The following DYNC2LI1 variants were observed in gnomAD, a reference collection of about 807,000 sequenced individuals.
The protein encoded by DYNC2LI1 is dynein cytoplasmic 2 light intermediate chain 1.
DYNC2LI1 carries 45 observed loss-of-function variants against 51.9 expected under a neutral mutation model. The observed-to-expected ratio is 0.87, with a 90% CI of 0.68 to 1.11. DYNC2LI1 has a LOEUF of 1.11. Among genes scored for constraint, DYNC2LI1 ranks in the 50% most tolerant of loss-of-function variants. The probability of loss-of-function intolerance (pLI) is 0.00; values close to 1 mark genes in which losing one functional copy is unlikely to be tolerated. For synonymous variants in DYNC2LI1, 130 were observed against 137.8 expected, an observed-to-expected ratio of 0.94 and a Z score of 0.40; for missense variants, 490 against 417.4, an observed-to-expected ratio of 1.17 and a Z score of -1.51.
At chr2:43,777,770 C>T (rs1673090409) in intron 2 of DYNC2LI1, among the ~76,000 whole-genome samples, 1 of 152,220 alleles carries the variant, frequency 6.6e-6, no homozygotes, top group South Asian at 2.1e-4. Flanking sequence ...TCCCAGAAGG[C>T]CCTCTCTGCA....
chr2:43,792,967 G>T, intron 5 of DYNC2LI1: 1 of 584,468 alleles, frequency 1.7e-6, no homozygotes, highest in Non-Finnish European at 2.6e-6. Context: ...GAACATTGGT[G>T]TACATTATCT....
At position 43,796,811 on chromosome 2, in the gene DYNC2LI1, G is replaced by A; in HGVS notation, c.654+16G>A. 6.2e-7 allele frequency: 1 copy of A among 1,609,774 alleles called. No individual in the cohort carries two copies. The highest frequency in any genetic ancestry group is 1.1e-5 in the South Asian group (1 of 90,888). ...ATCATTAATGGTTTGTACATTTCTTGTCCTTTGGGCTTGAATGGACAGTAC... is the reference window on the plus strand; with the variant it reads ...ATCATTAATGGTTTGTACATTTCTTATCCTTTGGGCTTGAATGGACAGTAC... On this transcript the variant is annotated intron_variant, in intron 8 of 12. Transcript: ENST00000260605.
intron 2 of DYNC2LI1, among the ~76,000 whole-genome samples, chr2:43,777,824 A>T (rs1196352914): frequency 6.6e-6 from 1 of 152,194 alleles, no homozygotes; most frequent in Non-Finnish European, 1.5e-5. Context: ...CAACATTAAG[A>T]TTACATATAT....
the DYNC2LI1 span, chr2:43,824,539 A>G: frequency 1.3e-6 from 2 of 1,591,598 alleles, no homozygotes; most frequent in Non-Finnish European, 1.7e-6. Flanking sequence ...CATCCCATCA[A>G]GATAAAATTT....
intron 8 of DYNC2LI1, among the ~76,000 whole-genome samples, chr2:43,799,341 G>A (rs571593100): frequency 6.6e-5 from 10 of 152,190 alleles, no homozygotes; most frequent in South Asian, 4.1e-4. Context: ...AAAAGAACAG[G>A]AGAAGACTGA....
the DYNC2LI1 span, among the ~76,000 whole-genome samples, chr2:43,825,292 C>A: frequency 6.1e-4 from 93 of 152,314 alleles, no homozygotes; most frequent in East Asian, 0.017. Flanking sequence ...AGCTTCATAT[C>A]TGGGATAGAC....
chr2:43,820,980 C>T, the DYNC2LI1 span, among the ~76,000 whole-genome samples: 9 of 152,030 alleles, frequency 5.9e-5, no homozygotes, highest in Non-Finnish European at 8.8e-5. Flanking sequence ...GTAAACAAAC[C>T]ACCCTATATC....
chr2:43,815,609 G>T, the DYNC2LI1 span, among the ~76,000 whole-genome samples: 13 of 152,158 alleles, frequency 8.5e-5, no homozygotes, highest in Non-Finnish European at 1.5e-4. Flanking sequence ...GTGGGACTCT[G>T]GGAAGGAATT....
At chr2:43,802,743 G>A (rs897908980) in intron 10 of DYNC2LI1, among the ~76,000 whole-genome samples, 2 of 152,260 alleles carry the variant, frequency 1.3e-5, no homozygotes, top group South Asian at 2.1e-4. Flanking sequence ...ATGAATAGAC[G>A]TGCCATAGTG....
At chr2:43,821,922 C>T in the DYNC2LI1 span, among the ~76,000 whole-genome samples, 4 of 152,042 alleles carry the variant, frequency 2.6e-5, no homozygotes, top group African/African-American at 9.7e-5. Flanking sequence ...ACCCTAGCTG[C>T]TTGCATCCTT....
chr2:43,782,282 A>G (rs1425247032), intron 2 of DYNC2LI1, among the ~76,000 whole-genome samples: 2 of 152,128 alleles, frequency 1.3e-5, no homozygotes, highest in Non-Finnish European at 2.9e-5. Flanking sequence ...TTTATATTGT[A>G]CAATTCCAGT....
chr2:43,815,834 ATCAGCAT>A, the DYNC2LI1 span, among the ~76,000 whole-genome samples: 1 of 151,842 alleles, frequency 6.6e-6, no homozygotes, highest in African/African-American at 2.4e-5. Flanking sequence ...TCACGTTGAA[ATCAGCAT>A]TCTGAGAAAA....
chr2:43,825,598 TTTG>T, the DYNC2LI1 span, among the ~76,000 whole-genome samples: 2 of 150,732 alleles, frequency 1.3e-5, no homozygotes, highest in African/African-American at 2.5e-5. Flanking sequence ...TTGTTGTTGT[TTTG>T]TTGTTATTGT....
intron 6 of DYNC2LI1, chr2:43,795,314 G>T: frequency 2.4e-6 from 1 of 416,484 alleles, no homozygotes; most frequent in Non-Finnish European, 3.2e-6. Flanking sequence ...GACCATCCTG[G>T]CCGACATGGT....
intron 1 of DYNC2LI1, 96 bp downstream of exon 1, chr2:43,774,242 G>A (rs983899772): frequency 7.8e-6 from 12 of 1,530,914 alleles, no homozygotes; most frequent in East Asian, 2.4e-5. Flanking sequence ...GATTGTGGGG[G>A]TGGCTACTTG....
At chr2:43,794,379 A>T in intron 5 of DYNC2LI1, 78 bp from the exon 6 acceptor site, 1 of 1,380,160 alleles carries the variant, frequency 7.2e-7, no homozygotes, top group Non-Finnish European at 9.7e-7. Context: ...AGTTATTCTT[A>T]GATAAATTTC....
chr2:43,792,669 T>C (rs1042696360), intron 5 of DYNC2LI1: 79 of 1,540,542 alleles, frequency 5.1e-5, no homozygotes, highest in Non-Finnish European at 6.5e-5. Context: ...TGTTTTTCCT[T>C]CCCCAGCTCC....
the DYNC2LI1 span, chr2:43,823,885 G>T: frequency 2.5e-6 from 4 of 1,610,590 alleles, no homozygotes; most frequent in Non-Finnish European, 3.4e-6. Context: ...GGGAGAAAGA[G>T]GTGCACCTCC....
At chr2:43,792,005 TC>T (rs1673815681) in intron 5 of DYNC2LI1, among the ~76,000 whole-genome samples, 2 of 152,172 alleles carry the variant, frequency 1.3e-5, no homozygotes, top group African/African-American at 4.8e-5. Flanking sequence ...GAATAATTTT[TC>T]ATTTGAAAAA....
Sources: gnomAD v4.1 joint callset for allele counts (sites outside exome capture counted in the v4.1 genomes callset) on GRCh38, gnomAD v4.1.1 for gene constraint, MANE v1.5 for transcripts, NCBI Gene and HGNC (gene_info 2026-07-23, HGNC 2026-07-21) for gene names.